ZNF382: variants seen among roughly 807,000 people sequenced by gnomAD.
The protein encoded by ZNF382 is zinc finger protein 382.
In ZNF382, 20 loss-of-function variants were observed where a neutral mutation model predicts 38.8. The observed-to-expected ratio is 0.51, with a 90% CI of 0.36 to 0.75. ZNF382 has a LOEUF of 0.75. ZNF382 is among the 30% of genes least tolerant of loss of function. The pLI is 0.00. For synonymous variants in ZNF382, 202 were observed against 223.1 expected (o/e 0.91, Z 0.84); for missense variants, 546 against 654.1 (o/e 0.83, Z 1.80).
chr19:36,626,428 G>A lies in ZNF382; in HGVS notation c.531G>A (p.Glu177=), dbSNP rs1419342933. 1 of 1,605,796 alleles carries A rather than the reference G, an allele frequency of 6.2e-7. No individual in the cohort carries two copies. The highest frequency in any genetic ancestry group is 8.5e-7 in the Non-Finnish European group (1 of 1,177,570). Residue 177 remains glutamate, a synonymous_variant, in exon 5 of 5, where the codon GAG becomes GAA. Transcript: ENST00000292928. ...AATCACTCCTCAATACCAAGCATGAGAAAATTCATCCTGCAGTGAATCTCC... is the reference window on the plus strand; with the variant it reads ...AATCACTCCTCAATACCAAGCATGAAAAAATTCATCCTGCAGTGAATCTCC... ...WEKSLLNTKH[E]KIHPAVNLHK...
intron 4 of ZNF382, among the ~76,000 whole-genome samples, chr19:36,617,147 A>G (rs1339131705): frequency 6.6e-6 from 1 of 152,218 alleles, no homozygotes; most frequent in East Asian, 1.9e-4. Flanking sequence ...AGAAGTTCCC[A>G]TGGGAGAAAC....
rs1022527452 is a variant in ZNF382 at position 36,633,502 on chromosome 19, T to C, written c.*5952T>C. 3 of 152,106 alleles carry C rather than the reference T, an allele frequency of 2.0e-5. No homozygotes were observed. The highest frequency in any genetic ancestry group is 7.2e-5 in the African/African-American group (3 of 41,404). The allele number at this position is 152,106 out of a possible 1,614,324, so 9.4% of individuals were successfully genotyped here. A position where few individuals can be genotyped will look rare whatever the true frequency, so the allele number is the denominator to read the frequency against. On this transcript the variant is annotated 3_prime_UTR_variant, in exon 5 of 5. Coordinates refer to ENST00000292928, the MANE Select transcript of ZNF382 (RefSeq NM_032825.5). The stretch of plus-strand genomic sequence containing the variant: ...TACATTGCTAATAGGAAAGGCAAAA[T>C]GGTAAAGCCGGTCTGGAAAACAATA...
intron 4 of ZNF382, among the ~76,000 whole-genome samples, chr19:36,620,748 T>C (rs1017801782): frequency 6.6e-6 from 1 of 152,154 alleles, no homozygotes; most frequent in African/African-American, 2.4e-5. Flanking sequence ...GTTTATTCTT[T>C]TGTTCCCATA....
chr19:36,621,324 G>GTTTTTTTTTTTTTTTTTTTTTTCTTTTT (rs2037168003), intron 4 of ZNF382, among the ~76,000 whole-genome samples: 1 of 104,470 alleles, frequency 9.6e-6, no homozygotes, highest in Non-Finnish European at 1.9e-5. Context: ...TTTTTCCCTA[G>GTTTTTTTTTTTTTTTTTTTTTTCTTTTT]TTTTTTTTTT....
At position 36,626,771 on chromosome 19, in the gene ZNF382, G is replaced by C; in HGVS notation, c.874G>C (p.Glu292Gln). ...TATTATGCCTCAGAGACCTCAAACAGAAGAGAAACCCTTTCACTGTCCTTA... is the reference window on the plus strand; with the variant it reads ...TATTATGCCTCAGAGACCTCAAACACAAGAGAAACCCTTTCACTGTCCTTA... ...VFIMPQRPQTEEKPFHCPYCG... is the reference protein window; with the variant it reads ...VFIMPQRPQTQEKPFHCPYCG... The change falls in exon 5 of 5, where the codon GAA becomes CAA. Residue 292 changes from glutamate to glutamine, a missense_variant. Transcript: ENST00000292928. 1.2e-6 allele frequency: 2 copies of C among 1,614,214 alleles called. No individual in the cohort carries two copies. Among genetic ancestry groups the C allele is most frequent in the African/African-American group, 1.3e-5 (1 of 75,056 alleles).
chr19:36,615,295 G>A (rs1281164225), intron 4 of ZNF382, among the ~76,000 whole-genome samples: 1 of 152,064 alleles, frequency 6.6e-6, no homozygotes, highest in Non-Finnish European at 1.5e-5. Flanking sequence ...ATTTTTAGTA[G>A]TTTTAATTAC....
At chr19:36,621,018 G>A (rs899982877) in intron 4 of ZNF382, among the ~76,000 whole-genome samples, 19 of 151,808 alleles carry the variant, frequency 1.3e-4, no homozygotes, top group Admixed American at 3.9e-4. Flanking sequence ...CTTCGCCTCC[G>A]ACAGTGCTGG....
chr19:36,607,826 T>A, intron 2 of ZNF382: 1 of 545,394 alleles, frequency 1.8e-6, no homozygotes, highest in Non-Finnish European at 3.2e-6. Flanking sequence ...CTCCTAAATT[T>A]TGCATTCTAG....
In ZNF382 at chr19:36,626,891, G is replaced by A. The variant is rs377155785; in HGVS notation, c.994G>A (p.Ala332Thr). 2 of 1,614,146 alleles carry A rather than the reference G, an allele frequency of 1.2e-6. No individual in the cohort carries two copies. Among genetic ancestry groups the A allele is most frequent in the Admixed American group, 1.7e-5 (1 of 60,024 alleles). The change falls in exon 5 of 5, where the codon GCC becomes ACC. Residue 332 changes from alanine (A) to threonine (T), a missense_variant. Coordinates refer to ENST00000292928, the MANE Select transcript of ZNF382 (RefSeq NM_032825.5). ...TTATGTTTGCAATCAATGTGGAAAGGCCTTCCGTCAGAAGACAGCCCTCAC... is the reference window on the plus strand; with the variant it reads ...TTATGTTTGCAATCAATGTGGAAAGACCTTCCGTCAGAAGACAGCCCTCAC... ...KPYVCNQCGK[A>T]FRQKTALTLH... is the part of the protein sequence containing the mutation.
intron 4 of ZNF382, among the ~76,000 whole-genome samples, chr19:36,613,736 G>A (rs1247213954): frequency 6.6e-6 from 1 of 151,960 alleles, no homozygotes; most frequent in African/African-American, 2.4e-5. Flanking sequence ...CACTGTGCCC[G>A]GCTGTATATT....
In ZNF382 at chr19:36,631,121, T is replaced by A. The variant is rs566844805; in HGVS notation, c.*3571T>A. On this transcript the variant is annotated 3_prime_UTR_variant, in exon 5 of 5. Transcript: ENST00000292928. ...ACTTTATGAATTGATAAATACAGCA[T>A]TGCATCACTTAATAGGGATACATTC... The A allele has an allele frequency of 6.6e-6, 1 of 152,178 alleles. No individual in the cohort carries two copies. The highest frequency in any genetic ancestry group is 2.4e-5 in the African/African-American group (1 of 41,510). 9.4% of individuals were successfully genotyped at this position (152,178 alleles called of 1,614,324 possible).
At position 36,632,663 on chromosome 19, in the gene ZNF382, T is replaced by C. The variant is rs1021580799; in HGVS notation, c.*5113T>C. The C allele has an allele frequency of 4.6e-5, 7 of 152,248 alleles. No individual in the cohort carries two copies. Among genetic ancestry groups the C allele is most frequent in the African/African-American group, 1.7e-4 (7 of 41,458 alleles). 9.4% of individuals were successfully genotyped at this position (152,248 alleles called of 1,614,324 possible). A position where few individuals can be genotyped will look rare whatever the true frequency, so the allele number is the denominator to read the frequency against. On this transcript the variant is annotated 3_prime_UTR_variant, in exon 5 of 5. Transcript: ENST00000292928. ...AGTACCTTGTATAGCTCACTGGCCT[T>C]ATCCCAACCAAGAGTCAGAGCCAGA...
At position 36,631,996 on chromosome 19, in the gene ZNF382, A is replaced by C. The variant is rs761763990; in HGVS notation, c.*4446A>C. 1 of 152,240 alleles carries C rather than the reference A, an allele frequency of 6.6e-6. No homozygotes were observed. The highest frequency in any genetic ancestry group is 2.4e-5 in the African/African-American group (1 of 41,440). 9.4% of individuals were successfully genotyped at this position (152,240 alleles called of 1,614,324 possible). On this transcript the variant is annotated 3_prime_UTR_variant, in exon 5 of 5. Transcript: ENST00000292928. ...ATACCCAGGAAATGTTTTTACTTAGAAGCAAAGGATGTGGCTCAGCAAAAG... is the reference window on the plus strand; with the variant it reads ...ATACCCAGGAAATGTTTTTACTTAGCAGCAAAGGATGTGGCTCAGCAAAAG...
Position 36,610,020 on chromosome 19 carries a change from A to G in ZNF382, c.106A>G (p.Met36Val). The G allele has an allele frequency of 6.2e-7, 1 of 1,613,786 alleles. No homozygotes were observed. Among genetic ancestry groups the G allele is most frequent in the Non-Finnish European group, 8.5e-7 (1 of 1,179,928 alleles). ...PAQKALYRDV[M>V]LENYCHFVSV... ...TCAGAAGGCGCTTTACAGGGATGTG[A>G]TGTTGGAAAACTATTGCCACTTCGT... is the stretch of plus-strand genomic sequence containing the variant. The change falls in exon 3 of 5, where the codon ATG (methionine) becomes GTG (valine). Residue 36 changes from methionine (M) to valine (V), a missense_variant. By Grantham distance (21) the Met-to-Val change is conservative. Coordinates refer to ENST00000292928, the MANE Select transcript of ZNF382 (RefSeq NM_032825.5).
rs765088514 is a variant in ZNF382 at position 36,633,041 on chromosome 19, G to C, written c.*5491G>C. On this transcript the variant is annotated 3_prime_UTR_variant, in exon 5 of 5. Transcript: ENST00000292928. Reference sequence around the variant, plus strand: ...TAGATATTTATCAGTTTATAATCAGGCTTTTTTTTTTTTTTTGAGACAGTG... The same window carrying C: ...TAGATATTTATCAGTTTATAATCAGCCTTTTTTTTTTTTTTTGAGACAGTG... 5 of 137,152 alleles carry C rather than the reference G, an allele frequency of 3.6e-5. No homozygotes were observed. The highest frequency in any genetic ancestry group is 7.7e-5 in the Non-Finnish European group (5 of 64,666). The allele number at this position is 137,152 out of a possible 1,614,324, so 8.5% of individuals were successfully genotyped here.
At position 36,628,654 on chromosome 19, in the gene ZNF382, T is replaced by C. The variant is rs2145339423; in HGVS notation, c.*1104T>C. 1 of 152,750 alleles carries C rather than the reference T, an allele frequency of 6.5e-6. No homozygotes were observed. The highest frequency in any genetic ancestry group is 2.1e-4 in the South Asian group (1 of 4,830). The allele number at this position is 152,750 out of a possible 1,614,324, so 9.5% of individuals were successfully genotyped here. On this transcript the variant is annotated 3_prime_UTR_variant, in exon 5 of 5. Transcript: ENST00000292928. ...TACTAGAGGAGAGGCATCCAGCATT[T>C]CCCTTGTTCAACATCAGAGAATTCC... is the stretch of plus-strand genomic sequence containing the variant.
intron 4 of ZNF382, among the ~76,000 whole-genome samples, chr19:36,620,272 T>C (rs1447439708): frequency 6.6e-6 from 1 of 152,232 alleles, no homozygotes; most frequent in Non-Finnish European, 1.5e-5. Flanking sequence ...TTATGTTTCA[T>C]ATCATAATGC....
Position 36,609,919 on chromosome 19 carries a change from C to T in ZNF382, c.5C>T (p.Pro2Leu). 2 of 1,612,538 alleles carry T rather than the reference C, an allele frequency of 1.2e-6. No homozygotes were observed. The highest frequency in any genetic ancestry group is 1.7e-6 in the Non-Finnish European group (2 of 1,179,552). MPLQGSVSFKDV... is the reference protein window; with the variant it reads MLLQGSVSFKDV... Reference sequence around the variant, plus strand: ...CACTTCAGGATGAACTAGAGTATGCCCTTACAGGGATCAGTGTCATTCAAG... The same window carrying T: ...CACTTCAGGATGAACTAGAGTATGCTCTTACAGGGATCAGTGTCATTCAAG... Residue 2 changes from proline to leucine, a missense_variant, in exon 3 of 5, where the codon CCC becomes CTC. Physicochemically the swap from Pro to Leu is moderately conservative, Grantham distance 98. Coordinates refer to ENST00000292928, the MANE Select transcript of ZNF382 (RefSeq NM_032825.5).
chr19:36,625,089 AATATATATATATATATATATAT>A (rs371760229), intron 4 of ZNF382, among the ~76,000 whole-genome samples: 17 of 42,994 alleles, frequency 4.0e-4, no homozygotes, highest in East Asian at 1.1e-3. Flanking sequence ...AATGAATTTA[AATATATATATATATATATATAT>A]ATATATATAT....
Sources: gnomAD v4.1 joint callset for allele counts (sites outside exome capture counted in the v4.1 genomes callset) on GRCh38, gnomAD v4.1.1 for gene constraint, MANE v1.5 for transcripts, NCBI Gene and HGNC (gene_info 2026-07-23, HGNC 2026-07-21) for gene names.